RALGAPA2: variants seen among roughly 807,000 people sequenced by gnomAD.
RALGAPA2 encodes ral GTPase-activating protein subunit alpha-2.
Under a neutral mutation model 230.4 loss-of-function variants are expected in RALGAPA2, and 139 were observed. The ratio of observed to expected loss-of-function variants is 0.60; its 90% confidence interval spans 0.53 to 0.69. The LOEUF is 0.69. Among genes scored for constraint, RALGAPA2 ranks in the 30% least tolerant of loss-of-function variants. The pLI is 0.00. For synonymous variants in RALGAPA2, 847 were observed against 837.8 expected (o/e 1.01, Z -0.19); for missense variants, 2,163 against 2,276.0 (o/e 0.95, Z 1.01).
At position 20,624,165 on chromosome 20, in the gene RALGAPA2, A is replaced by G. The variant is rs1208033398; in HGVS notation, c.1234-3535T>C. Among the ~76,000 whole-genome samples, 3 of 152,114 alleles carry G rather than the reference A, an allele frequency of 2.0e-5. No homozygotes were observed. The East Asian group carries it at 5.8e-4, about 29-fold the overall frequency. On this transcript the variant is annotated intron_variant, in intron 10 of 39. Coordinates refer to ENST00000202677, the MANE Select transcript of RALGAPA2 (RefSeq NM_020343.4). ...AACATGGCGAAACCCCGTCTCTACTAAAAATACAAAAATTAGCTGGGTGTG... is the reference window on the plus strand; with the variant it reads ...AACATGGCGAAACCCCGTCTCTACTGAAAATACAAAAATTAGCTGGGTGTG...
chr20:20,616,089 T>A lies in RALGAPA2; in HGVS notation c.1642A>T (p.Ile548Phe). The change falls in exon 13 of 40, where the codon ATT becomes TTT. Residue 548 changes from isoleucine (I) to phenylalanine (F), a missense_variant. Physicochemically the swap from Ile to Phe is conservative, Grantham distance 21. Transcript: ENST00000202677. ...AGCTCCATTATCATGCGCCTAAAAATAATCAAAACAGCTTTACAAGCATCA... is the reference window on the plus strand; with the variant it reads ...AGCTCCATTATCATGCGCCTAAAAAAAATCAAAACAGCTTTACAAGCATCA... ...QVDACKAVLI[I>F]FRRMIMELTM... 1 of 1,554,368 alleles carries A rather than the reference T, an allele frequency of 6.4e-7. No individual in the cohort carries two copies. Among genetic ancestry groups the A allele is most frequent in the East Asian group, 2.4e-5 (1 of 42,308 alleles).
At chr20:20,431,204 C>T (rs1396704335) in intron 37 of RALGAPA2, among the ~76,000 whole-genome samples, 4 of 152,256 alleles carry the variant, frequency 2.6e-5, no homozygotes, top group South Asian at 2.1e-4. Context: ...GCCCAGAGAA[C>T]TGGGGAACAC....
chr20:20,492,630 G>A (rs1406695951), intron 36 of RALGAPA2, among the ~76,000 whole-genome samples: 1 of 152,148 alleles, frequency 6.6e-6, no homozygotes, highest in Non-Finnish European at 1.5e-5. Flanking sequence ...GTGTCCCAGG[G>A]AGCCCGCAGC....
At chr20:20,600,323 T>A (rs1013709382) in intron 16 of RALGAPA2, among the ~76,000 whole-genome samples, 1 of 151,982 alleles carries the variant, frequency 6.6e-6, no homozygotes, top group Non-Finnish European at 1.5e-5. Flanking sequence ...AAGAATCCAA[T>A]GATAAAAGCA....
intron 26 of RALGAPA2, among the ~76,000 whole-genome samples, chr20:20,534,774 T>C (rs1420022374): frequency 6.6e-6 from 1 of 152,180 alleles, no homozygotes; most frequent in Non-Finnish European, 1.5e-5. Context: ...TATAAAATTA[T>C]AATCAAACCT....
chr20:20,426,365 C>G (rs2060382278), intron 37 of RALGAPA2, among the ~76,000 whole-genome samples: 1 of 152,172 alleles, frequency 6.6e-6, no homozygotes, highest in South Asian at 2.1e-4. Context: ...TTGTACTGTT[C>G]TACACCTTCT....
chr20:20,409,334 A>G (rs1471483746), intron 38 of RALGAPA2, among the ~76,000 whole-genome samples: 1 of 152,196 alleles, frequency 6.6e-6, no homozygotes, highest in East Asian at 1.9e-4. Flanking sequence ...GTGCAGAATG[A>G]ATGCAGTGTT....
At chr20:20,636,966 A>C (rs1218947970) in intron 8 of RALGAPA2, among the ~76,000 whole-genome samples, 2 of 152,184 alleles carry the variant, frequency 1.3e-5, no homozygotes, top group Non-Finnish European at 2.9e-5. Flanking sequence ...AAAGGCATAC[A>C]ATGGCAGCTG....
At chr20:20,540,564 G>A (rs2063617320) in intron 24 of RALGAPA2, among the ~76,000 whole-genome samples, 1 of 151,908 alleles carries the variant, frequency 6.6e-6, no homozygotes, top group African/African-American at 2.4e-5. Context: ...CATCCTTTCT[G>A]AATTTTTTGA....
At chr20:20,637,265 A>C in intron 8 of RALGAPA2, 98 bp downstream of exon 8, 5 of 993,840 alleles carry the variant, frequency 5.0e-6, no homozygotes, top group Non-Finnish European at 6.9e-6. Flanking sequence ...ACAAAAATAA[A>C]ATGACTATTT....
intron 23 of RALGAPA2, among the ~76,000 whole-genome samples, chr20:20,568,733 A>G (rs1328946895): frequency 1.3e-5 from 2 of 152,242 alleles, no homozygotes; most frequent in Non-Finnish European, 2.9e-5. Flanking sequence ...CAAGCCATAC[A>G]AAGCATAATG....
chr20:20,539,427 TA>T (rs1292930814), intron 24 of RALGAPA2, among the ~76,000 whole-genome samples: 1 of 152,264 alleles, frequency 6.6e-6, no homozygotes, highest in Non-Finnish European at 1.5e-5. Flanking sequence ...TCTCTCTTTT[TA>T]AAAAAACATT....
chr20:20,464,053 C>T (rs1408413671), intron 37 of RALGAPA2, among the ~76,000 whole-genome samples: 1 of 152,186 alleles, frequency 6.6e-6, no homozygotes, highest in African/African-American at 2.4e-5. Flanking sequence ...TATTGTCCTC[C>T]ACTCAGCTGG....
intron 35 of RALGAPA2, among the ~76,000 whole-genome samples, chr20:20,497,435 C>T (rs747726403): frequency 1.3e-5 from 2 of 152,132 alleles, no homozygotes; most frequent in African/African-American, 4.8e-5. Context: ...CAGCCCTCAC[C>T]CTGCAAAGAC....
intron 3 of RALGAPA2, among the ~76,000 whole-genome samples, chr20:20,663,352 G>A (rs1321402595): frequency 6.6e-6 from 1 of 152,164 alleles, no homozygotes; most frequent in South Asian, 2.1e-4. Context: ...CCCAAGGGAT[G>A]CCTGAAACCA....
intron 10 of RALGAPA2, among the ~76,000 whole-genome samples, chr20:20,627,057 G>T (rs2066510650): frequency 6.6e-6 from 1 of 152,112 alleles, no homozygotes; most frequent in Non-Finnish European, 1.5e-5. Flanking sequence ...TAGGGAATGG[G>T]GTAGATTTTA....
intron 1 of RALGAPA2, among the ~76,000 whole-genome samples, chr20:20,701,901 G>A (rs942927782): frequency 6.6e-6 from 1 of 151,430 alleles, no homozygotes; most frequent in African/African-American, 2.4e-5. Context: ...TTAGCCAGGC[G>A]CGGCGGCAGG....
At chr20:20,509,480 T>A (rs1398729612) in intron 33 of RALGAPA2, among the ~76,000 whole-genome samples, 3 of 152,234 alleles carry the variant, frequency 2.0e-5, no homozygotes, top group Non-Finnish European at 4.4e-5. Context: ...TATTTGATAC[T>A]GAAATATTTA....
chr20:20,436,794 T>C (rs541946047), intron 37 of RALGAPA2, among the ~76,000 whole-genome samples: 1 of 152,356 alleles, frequency 6.6e-6, no homozygotes, highest in Non-Finnish European at 1.5e-5. Flanking sequence ...CCCAGGCTCC[T>C]GGAAGGGAGG....
Sources: allele counts gnomAD v4.1 joint callset (sites outside exome capture counted in the v4.1 genomes callset), GRCh38; gene constraint gnomAD v4.1.1; transcripts MANE v1.5; gene names NCBI Gene and HGNC (gene_info 2026-07-23, HGNC 2026-07-21).